The following SEC63 variants were observed in gnomAD, a reference collection of about 807,000 sequenced individuals.
SEC63 encodes translocation protein SEC63 homolog.
A neutral mutation model predicts 116.2 loss-of-function variants in SEC63; 56 were observed. That is an observed-to-expected ratio of 0.48 (90% CI 0.39 to 0.60). SEC63 has a LOEUF of 0.60. SEC63 is among the 20% of genes least tolerant of loss of function. SEC63 has a pLI of 0.00. For missense variants in SEC63, 668 were observed against 900.0 expected (o/e 0.74, Z 3.30); for synonymous variants, 273 against 294.6 (o/e 0.93, Z 0.75).
At chr6:107,876,744 C>T (rs1015892019) in intron 18 of SEC63, 82 bp from the exon 19 acceptor site, 4 of 909,616 alleles carry the variant, frequency 4.4e-6, no homozygotes, top group Non-Finnish European at 5.2e-6. Context: ...TTTGGCCTCT[C>T]TTATCTTAGA....
At chr6:107,936,988 G>A (rs1292669624) in intron 1 of SEC63, among the ~76,000 whole-genome samples, 1 of 152,116 alleles carries the variant, frequency 6.6e-6, no homozygotes, top group African/African-American at 2.4e-5. Context: ...TTATAAGTCA[G>A]AACATGCAGT....
chr6:107,872,699 G>T (rs1050843939), intron 20 of SEC63, 109 bp downstream of exon 20: 44 of 712,372 alleles, frequency 6.2e-5, no homozygotes, highest in Non-Finnish European at 9.9e-5. Context: ...AGCATGAGAT[G>T]ACTTCTTTTT....
chr6:107,886,392 G>A (rs1209404941), intron 16 of SEC63, among the ~76,000 whole-genome samples: 1 of 152,064 alleles, frequency 6.6e-6, no homozygotes, highest in Non-Finnish European at 1.5e-5. Context: ...GGATTGCTGG[G>A]TCAAGTATTC....
chr6:107,897,789 C>G, intron 13 of SEC63, 58 bp from the exon 14 acceptor site: 1 of 1,150,458 alleles, frequency 8.7e-7, no homozygotes, highest in East Asian at 2.3e-5. Flanking sequence ...TATGTTAATG[C>G]AAACAGCAAA....
intron 1 of SEC63, chr6:107,930,170 A>ATTTT (rs1787766361): frequency 4.8e-5 from 3 of 62,530 alleles, no homozygotes; most frequent in Non-Finnish European, 6.2e-5. Context: ...TTTGCAAAGT[A>ATTTT]TTCTTTTTTT....
chr6:107,885,295 A>G (rs1786502276), intron 16 of SEC63, among the ~76,000 whole-genome samples: 1 of 152,254 alleles, frequency 6.6e-6, no homozygotes, highest in Non-Finnish European at 1.5e-5. Context: ...ACAAATGGTT[A>G]GAATTATTGC....
intron 18 of SEC63, among the ~76,000 whole-genome samples, chr6:107,878,181 C>A (rs925118580): frequency 6.6e-6 from 1 of 152,228 alleles, no homozygotes; most frequent in East Asian, 1.9e-4. Context: ...CTGCAGACTG[C>A]AGTTTGACAA....
At chr6:107,901,033 A>G (rs78289917) in intron 13 of SEC63, among the ~76,000 whole-genome samples, 4,054 of 152,268 alleles carry the variant, frequency 0.027, 75 homozygotes, top group Non-Finnish European at 0.038. Context: ...CTTTCATACT[A>G]ATAATATACT....
intron 4 of SEC63, among the ~76,000 whole-genome samples, chr6:107,918,698 A>AC (rs1787473564): frequency 6.6e-6 from 1 of 151,722 alleles, no homozygotes. Flanking sequence ...TCTCAAAAAA[A>AC]AAAAAACAAA....
At chr6:107,883,576 C>T (rs1037446968) in intron 16 of SEC63, 1 of 167,658 alleles carries the variant, frequency 6.0e-6, no homozygotes, top group Non-Finnish European at 1.3e-5. Flanking sequence ...AGGAAGACTG[C>T]TTGAGGCCAG....
intron 16 of SEC63, among the ~76,000 whole-genome samples, chr6:107,887,426 T>G (rs1295589972): frequency 1.4e-5 from 2 of 145,804 alleles, no homozygotes; most frequent in Non-Finnish European, 3.0e-5. Context: ...CCATAAAAAA[T>G]GATGAGTTCA....
chr6:107,953,676 C>A (rs867356030), intron 1 of SEC63, among the ~76,000 whole-genome samples: 37 of 123,918 alleles, frequency 3.0e-4, no homozygotes, highest in Middle Eastern at 8.2e-3. Context: ...CCCGGCCAGC[C>A]GCCCCGTCCG....
At chr6:107,877,071 G>GTGTATATATATATATATATATATATA (rs1409286259) in intron 18 of SEC63, 13 of 34,480 alleles carry the variant, frequency 3.8e-4, no homozygotes, top group African/African-American at 1.2e-3. Context: ...ATATGTGTGT[G>GTGTATATATATATATATATATATATA]TATATATATA....
intron 1 of SEC63, among the ~76,000 whole-genome samples, chr6:107,955,490 A>G (rs1770693374): frequency 6.6e-6 from 1 of 152,252 alleles, no homozygotes; most frequent in Non-Finnish European, 1.5e-5. Context: ...AGAAGATTAA[A>G]TAAAGTAAAA....
chr6:107,908,116 A>G (rs1787184613), intron 8 of SEC63, among the ~76,000 whole-genome samples: 1 of 152,218 alleles, frequency 6.6e-6, no homozygotes. Flanking sequence ...TCTCATTACT[A>G]AGAAAATTAG....
At chr6:107,893,024 ATTAGG>A (rs1199688609) in intron 16 of SEC63, among the ~76,000 whole-genome samples, 3 of 152,050 alleles carry the variant, frequency 2.0e-5, no homozygotes, top group Non-Finnish European at 4.4e-5. Context: ...CTTTATTCAT[ATTAGG>A]TTAAGAACTA....
chr6:107,888,872 G>C (rs1023899119), intron 16 of SEC63, among the ~76,000 whole-genome samples: 1 of 152,148 alleles, frequency 6.6e-6, no homozygotes, highest in East Asian at 1.9e-4. Context: ...CATTGGTTCT[G>C]TTTATGTGAT....
intron 13 of SEC63, among the ~76,000 whole-genome samples, chr6:107,900,970 A>G (rs1269925296): frequency 6.6e-6 from 1 of 152,250 alleles, no homozygotes; most frequent in Non-Finnish European, 1.5e-5. Context: ...ACATTTAATT[A>G]ACATAAATAA....
At chr6:107,880,600 G>A (rs1786392328) in intron 18 of SEC63, among the ~76,000 whole-genome samples, 1 of 152,202 alleles carries the variant, frequency 6.6e-6, no homozygotes, top group African/African-American at 2.4e-5. Context: ...TTATGATCAA[G>A]CTCTTATGGA....
Sources: gnomAD v4.1 joint callset for allele counts (sites outside exome capture counted in the v4.1 genomes callset) on GRCh38, gnomAD v4.1.1 for gene constraint, MANE v1.5 for transcripts, NCBI Gene and HGNC (gene_info 2026-07-23, HGNC 2026-07-21) for gene names.